PCLO: variants seen among roughly 807,000 people sequenced by gnomAD.
The protein encoded by PCLO is piccolo presynaptic cytomatrix protein, also known as protein piccolo.
PCLO carries 82 observed loss-of-function variants against 427.5 expected under a neutral mutation model. The observed-to-expected ratio is 0.19, with a 90% CI of 0.16 to 0.23. The LOEUF (loss-of-function observed/expected upper bound fraction) is 0.23, where lower values mean the gene tolerates loss of function less well. Among genes scored for constraint, PCLO ranks in the 10% least tolerant of loss-of-function variants. PCLO has a pLI of 1.00. For synonymous variants in PCLO, 2,357 were observed against 2,155.4 expected, an observed-to-expected ratio of 1.09 and a Z score of -2.59; for missense variants, 6,239 against 6,115.9, an observed-to-expected ratio of 1.02 and a Z score of -0.67.
chr7:83,145,663 GT>G (rs1251503887), intron 2 of PCLO, among the ~76,000 whole-genome samples: 1 of 152,124 alleles, frequency 6.6e-6, no homozygotes, highest in East Asian at 1.9e-4. Context: ...CTATTAGAAT[GT>G]TATAAAGATT....
intron 3 of PCLO, among the ~76,000 whole-genome samples, chr7:83,049,881 G>A (rs1045865329): frequency 3.3e-5 from 5 of 151,968 alleles, no homozygotes; most frequent in Admixed American, 1.3e-4. Context: ...TCACTGCTAC[G>A]ATTTAACAAA....
intron 3 of PCLO, among the ~76,000 whole-genome samples, chr7:83,019,578 A>T (rs41605): frequency 0.88 from 133,282 of 151,898 alleles, 58,626 homozygotes; most frequent in East Asian, 1. Flanking sequence ...CAGGTAAGAC[A>T]TGGAGGTCAA....
At chr7:82,809,624 A>C (rs1215626013) in intron 20 of PCLO, among the ~76,000 whole-genome samples, 1 of 151,414 alleles carries the variant, frequency 6.6e-6, no homozygotes, top group Non-Finnish European at 1.5e-5. Context: ...TAATACATTA[A>C]TACTTCTTTC....
At chr7:82,763,931 T>C (rs1790480835) in intron 22 of PCLO, among the ~76,000 whole-genome samples, 1 of 152,006 alleles carries the variant, frequency 6.6e-6, no homozygotes, top group African/African-American at 2.4e-5. Context: ...ACTCAGGGAA[T>C]ACTTCACAAA....
At chr7:83,141,068 C>T (rs1466991296) in intron 2 of PCLO, among the ~76,000 whole-genome samples, 1 of 152,202 alleles carries the variant, frequency 6.6e-6, no homozygotes, top group Non-Finnish European at 1.5e-5. Flanking sequence ...ATGCCTGATT[C>T]ACAGAAGATG....
At chr7:82,865,793 T>C (rs1404876768) in intron 10 of PCLO, among the ~76,000 whole-genome samples, 4 of 152,182 alleles carry the variant, frequency 2.6e-5, no homozygotes, top group Non-Finnish European at 5.9e-5. Context: ...TATATATAAC[T>C]ATTTCTTAAC....
intron 22 of PCLO, among the ~76,000 whole-genome samples, chr7:82,784,786 T>G (rs555649261): frequency 1.3e-5 from 2 of 152,336 alleles, no homozygotes. Flanking sequence ...ATGCTGTGAA[T>G]CTCATTATTT....
chr7:83,093,472 G>GTGTGTGTGTGTGTGTGTGTGTA (rs745824155), intron 3 of PCLO, among the ~76,000 whole-genome samples: 1 of 99,196 alleles, frequency 1.0e-5, no homozygotes, highest in Admixed American at 1.2e-4. Flanking sequence ...ATGTGTGTGT[G>GTGTGTGTGTGTGTGTGTGTGTA]TATAGATATA....
rs761321455 is a variant in PCLO at position 82,902,741 on chromosome 7, T to C, written c.13438A>G (p.Ile4480Val). 13 of 1,530,702 alleles carry C rather than the reference T, an allele frequency of 8.5e-6. No homozygotes were observed. The Admixed American group carries it at 1.3e-4, about 16-fold the overall frequency. The allele number at this position is 1,530,702 out of a possible 1,614,324, so 94.8% of individuals were successfully genotyped here. ...ATAGTTTTCCCGTTCATCTGTATAA[T>C]CTAAGACATACATGTAGTAAGGTAA... ...SRPLSQHQEQ[I>V]IQMNGKTMHY... The change falls in exon 9 of 25, where the codon ATT (isoleucine) becomes GTT (valine). Residue 4480 changes from isoleucine (I) to valine (V), a missense_variant and splice_region_variant. Coordinates refer to ENST00000333891, the MANE Select transcript of PCLO (RefSeq NM_033026.6).
At chr7:83,147,446 T>C (rs896682666) in intron 2 of PCLO, among the ~76,000 whole-genome samples, 2 of 152,128 alleles carry the variant, frequency 1.3e-5, no homozygotes, top group Admixed American at 6.6e-5. Flanking sequence ...ACCTTATGCA[T>C]AGAATCTAGG....
Position 83,038,087 on chromosome 7 carries a change from T to TTATATATATATATATTTA in PCLO, c.3301-71601_3301-71600insTAAATATATATATATATA, listed in dbSNP as rs200769328. On this transcript the variant is annotated intron_variant, in intron 3 of 24. Transcript: ENST00000333891. ...TATTTATATATTTATATATATATCT[T>TTATATATATATATATTTA]TATATATATATATTTATATATGTAT... Among the ~76,000 whole-genome samples the TTATATATATATATATTTA allele has an allele frequency of 1.2e-4, 8 of 66,272 alleles. 1 individual carries two copies. The highest frequency in any genetic ancestry group is 4.0e-4 in the South Asian group (1 of 2,496). 43.5% of individuals were successfully genotyped at this position (66,272 alleles called of 152,430 possible). A position where few individuals can be genotyped will look rare whatever the true frequency, so the allele number is the denominator to read the frequency against.
At chr7:83,037,176 G>A (rs1251093979) in intron 3 of PCLO, among the ~76,000 whole-genome samples, 1 of 152,092 alleles carries the variant, frequency 6.6e-6, no homozygotes, top group Admixed American at 6.6e-5. Flanking sequence ...TCATACTATA[G>A]CAGGTTGCTA....
chr7:83,118,962 G>A (rs1426969384), intron 3 of PCLO, among the ~76,000 whole-genome samples: 2 of 152,098 alleles, frequency 1.3e-5, no homozygotes, highest in Admixed American at 1.3e-4. Context: ...CTTGCAGAAA[G>A]GAGAGGGAAA....
At chr7:82,881,931 A>T (rs1793517417) in intron 9 of PCLO, among the ~76,000 whole-genome samples, 1 of 152,132 alleles carries the variant, frequency 6.6e-6, no homozygotes, top group African/African-American at 2.4e-5. Flanking sequence ...GGTATGAGCC[A>T]CTGTGCCCAG....
intron 15 of PCLO, among the ~76,000 whole-genome samples, chr7:82,836,277 T>G (rs1792231543): frequency 1.3e-5 from 2 of 152,204 alleles, no homozygotes; most frequent in African/African-American, 4.8e-5. Flanking sequence ...TTTCATTCTT[T>G]CATTTGCAAA....
At chr7:82,933,594 T>C (rs1214585471) in intron 6 of PCLO, among the ~76,000 whole-genome samples, 1 of 143,838 alleles carries the variant, frequency 7.0e-6, no homozygotes, top group Non-Finnish European at 1.5e-5. Context: ...ATTCCTGATA[T>C]ATAAGAAATG....
At chr7:82,869,337 C>A (rs1199314806) in intron 10 of PCLO, among the ~76,000 whole-genome samples, 1 of 152,040 alleles carries the variant, frequency 6.6e-6, no homozygotes, top group Non-Finnish European at 1.5e-5. Context: ...ATGACTAAGT[C>A]TCTAAGTAGA....
intron 1 of PCLO, among the ~76,000 whole-genome samples, chr7:83,160,154 C>G (rs1453878351): frequency 6.6e-6 from 1 of 152,116 alleles, no homozygotes; most frequent in East Asian, 1.9e-4. Context: ...TTCATCTCAA[C>G]TTTTAATTGA....
chr7:83,136,368 A>G (rs528564215), intron 2 of PCLO, among the ~76,000 whole-genome samples: 1 of 152,236 alleles, frequency 6.6e-6, no homozygotes, highest in South Asian at 2.1e-4. Flanking sequence ...CTGGGAATAA[A>G]ACATGTTAGA....
Sources: gnomAD v4.1 joint callset for allele counts (sites outside exome capture counted in the v4.1 genomes callset) on GRCh38, gnomAD v4.1.1 for gene constraint, MANE v1.5 for transcripts, NCBI Gene and HGNC (gene_info 2026-07-23, HGNC 2026-07-21) for gene names.